The following SYNRG variants were observed in gnomAD, a reference collection of about 807,000 sequenced individuals.
SYNRG encodes the protein AP1 gamma subunit binding protein 1.
Under a neutral mutation model 130.9 loss-of-function variants are expected in SYNRG, and 37 were observed. The ratio of observed to expected loss-of-function variants is 0.28; its 90% CI spans 0.22 to 0.37. The LOEUF (loss-of-function observed/expected upper bound fraction) is 0.37. SYNRG is among the 10% of genes least tolerant of loss of function. SYNRG has a pLI of 1.00. For synonymous variants in SYNRG, 539 were observed against 568.1 expected (o/e 0.95, Z 0.73); for missense variants, 1,338 against 1,588.9 (o/e 0.84, Z 2.68).
chr17:37,540,944 T>TTC (rs1212160134), intron 15 of SYNRG: 1 of 992,806 alleles, frequency 1.0e-6, no homozygotes, highest in Non-Finnish European at 1.2e-6. Context: ...CACGACCCTC[T>TTC]TCTTCAGATG....
At chr17:37,536,164 G>A (rs780729226) in intron 18 of SYNRG, 37 bp from the exon 19 acceptor site, 16 of 1,576,638 alleles carry the variant, frequency 1.0e-5, no homozygotes, top group Admixed American at 1.9e-5. Context: ...AGTGTTGGCA[G>A]TGGAGACACA....
chr17:37,533,071 C>T (rs1445884410), intron 19 of SYNRG, among the ~76,000 whole-genome samples: 1 of 152,078 alleles, frequency 6.6e-6, no homozygotes, highest in East Asian at 1.9e-4. Flanking sequence ...TTAGTTTCCT[C>T]TTTATGAGAA....
intron 1 of SYNRG, 117 bp from the exon 2 acceptor site, chr17:37,600,520 C>T (rs1451607513): frequency 6.1e-6 from 6 of 979,204 alleles, no homozygotes; most frequent in East Asian, 2.6e-5. Flanking sequence ...TTGTTCTGCA[C>T]CACAATACTG....
At chr17:37,579,230 G>A (rs1384698548) in intron 6 of SYNRG, 4 of 1,278,176 alleles carry the variant, frequency 3.1e-6, no homozygotes, top group African/African-American at 1.5e-5. Context: ...CTGACTTGGA[G>A]GGAGAGGCTG....
chr17:37,597,173 G>A (rs1298776772), intron 2 of SYNRG, among the ~76,000 whole-genome samples: 1 of 152,170 alleles, frequency 6.6e-6, no homozygotes, highest in African/African-American at 2.4e-5. Flanking sequence ...AAGGTACTGA[G>A]GTCTTCTGCC....
intron 15 of SYNRG, chr17:37,541,250 G>C (rs1048920635): frequency 1.2e-5 from 12 of 985,364 alleles, no homozygotes; most frequent in Non-Finnish European, 1.4e-5. Context: ...TGAAATCAAC[G>C]ACCCCTCCTG....
intron 11 of SYNRG, among the ~76,000 whole-genome samples, chr17:37,564,359 T>C (rs1312241378): frequency 6.6e-6 from 1 of 152,214 alleles, no homozygotes; most frequent in African/African-American, 2.4e-5. Context: ...ATTTCTCAGA[T>C]ATAAACTGTT....
chr17:37,517,202 G>A lies in SYNRG; in HGVS notation c.*1738C>T, dbSNP rs1339773736. On this transcript the variant is annotated 3_prime_UTR_variant, in exon 22 of 22. Coordinates refer to ENST00000612223, the MANE Select transcript of SYNRG (RefSeq NM_007247.6). ...GCACTCAAGCCTGGGCAACAAGAGT[G>A]AAACTCCATCTCAAAAAAAAACAAA... The A allele has an allele frequency of 6.5e-6, 1 of 152,824 alleles. No homozygotes were observed. Among genetic ancestry groups the A allele is most frequent in the Non-Finnish European group, 1.5e-5 (1 of 68,666 alleles). 9.5% of individuals were successfully genotyped at this position (152,824 alleles called of 1,614,324 possible). A position where few individuals can be genotyped will look rare whatever the true frequency, so the allele number is the denominator to read the frequency against.
At chr17:37,565,967 G>A (rs1200421949) in intron 11 of SYNRG, among the ~76,000 whole-genome samples, 1 of 149,476 alleles carries the variant, frequency 6.7e-6, no homozygotes, top group Non-Finnish European at 1.5e-5. Context: ...GAGGTGGGGG[G>A]GTCAGCCCCC....
chr17:37,585,262 G>T, intron 5 of SYNRG, 63 bp downstream of exon 5: 1 of 1,321,132 alleles, frequency 7.6e-7, no homozygotes, highest in South Asian at 1.3e-5. Flanking sequence ...TCCACTCAAT[G>T]AGTGGGAAGA....
At chr17:37,580,518 A>T (rs945314364) in intron 6 of SYNRG, among the ~76,000 whole-genome samples, 44 of 113,744 alleles carry the variant, frequency 3.9e-4, no homozygotes, top group African/African-American at 1.0e-3. Context: ...TGTGAGAGAG[A>T]GAGAGAGAGA....
At chr17:37,583,975 C>T (rs1235672144) in intron 6 of SYNRG, among the ~76,000 whole-genome samples, 1 of 152,204 alleles carries the variant, frequency 6.6e-6, no homozygotes, top group Admixed American at 6.5e-5. Flanking sequence ...GGATTACAGG[C>T]ATGAGCCATG....
chr17:37,605,274 G>C (rs1042039807), intron 1 of SYNRG, among the ~76,000 whole-genome samples: 3 of 152,230 alleles, frequency 2.0e-5, no homozygotes, highest in African/African-American at 7.2e-5. Flanking sequence ...TAATCAAGCT[G>C]TCAAGATTTT....
chr17:37,518,399 A>G lies in SYNRG; in HGVS notation c.*541T>C, dbSNP rs1324125920. ...AACCAAGTGGGTAAAATCTGCCCTC[A>G]CCTGCCTGCTACTGTCCAGGGGAGA... On this transcript the variant is annotated 3_prime_UTR_variant, in exon 22 of 22. Transcript: ENST00000612223. 1 of 152,338 alleles carries G rather than the reference A, an allele frequency of 6.6e-6. No homozygotes were observed. The highest frequency in any genetic ancestry group is 2.4e-5 in the African/African-American group (1 of 41,452). 9.4% of individuals were successfully genotyped at this position (152,338 alleles called of 1,614,324 possible).
In SYNRG at chr17:37,571,784, T is replaced by C. The variant is rs1308264823; in HGVS notation, c.1098+7A>G. On this transcript the variant is annotated splice_region_variant and intron_variant, in intron 9 of 21. Coordinates refer to ENST00000612223, the MANE Select transcript of SYNRG (RefSeq NM_007247.6). Reference sequence around the variant, plus strand: ...TTATTTGATCTAACTTAAGAAACATTGTTTACCTGTGTTACCGCTATCATG... The same window carrying C: ...TTATTTGATCTAACTTAAGAAACATCGTTTACCTGTGTTACCGCTATCATG... 3.8e-6 allele frequency: 6 copies of C among 1,594,234 alleles called. No individual in the cohort carries two copies. The African/African-American group carries it at 4.1e-5, about 11-fold the overall frequency.
intron 11 of SYNRG, chr17:37,568,550 G>A (rs2060169454): frequency 7.5e-6 from 3 of 399,536 alleles, no homozygotes; most frequent in Non-Finnish European, 1.3e-5. Context: ...GTTTGGCACA[G>A]GTAAAAAAGA....
intron 8 of SYNRG, among the ~76,000 whole-genome samples, chr17:37,572,414 C>G (rs756517535): frequency 1.4e-5 from 2 of 148,094 alleles, no homozygotes; most frequent in African/African-American, 5.0e-5. Flanking sequence ...GCCTGGGCAA[C>G]AGTGAGACTC....
At chr17:37,557,725 C>A (rs1451591293) in intron 13 of SYNRG, among the ~76,000 whole-genome samples, 2 of 152,116 alleles carry the variant, frequency 1.3e-5, no homozygotes, top group African/African-American at 2.4e-5. Flanking sequence ...TGATGCACAT[C>A]TACAGTACCA....
intron 3 of SYNRG, 81 bp downstream of exon 3, chr17:37,596,142 A>G: frequency 6.8e-7 from 1 of 1,466,622 alleles, no homozygotes; most frequent in Non-Finnish European, 9.4e-7. Context: ...TGTAACATTA[A>G]GCTCTTAGCC....
Sources: allele counts gnomAD v4.1 joint callset (sites outside exome capture counted in the v4.1 genomes callset), GRCh38; gene constraint gnomAD v4.1.1; transcripts MANE v1.5; gene names NCBI Gene and HGNC (gene_info 2026-07-23, HGNC 2026-07-21).